The following BCKDHB variants were observed in gnomAD, a reference collection of about 807,000 sequenced individuals.
The protein encoded by BCKDHB is branched chain keto acid dehydrogenase E1 subunit beta, also known as 2-oxoisovalerate dehydrogenase subunit beta, mitochondrial.
BCKDHB carries 41 observed loss-of-function variants against 48.5 expected under a neutral mutation model. The observed-to-expected ratio is 0.85, with a 90% confidence interval of 0.66 to 1.10. The LOEUF (loss-of-function observed/expected upper bound fraction) is 1.10, where lower values mean the gene tolerates loss of function less well. Among genes scored for constraint, BCKDHB ranks in the 50% least tolerant of loss-of-function variants. The pLI, the probability that BCKDHB is intolerant of heterozygous loss-of-function variation, is 0.00. For synonymous variants in BCKDHB, 201 were observed against 174.8 expected, an observed-to-expected ratio of 1.15 and a Z score of -1.18; for missense variants, 496 against 494.2, an observed-to-expected ratio of 1.00 and a Z score of -0.03.
intron 8 of BCKDHB, among the ~76,000 whole-genome samples, chr6:80,219,003 A>G (rs552836304): frequency 4.1e-4 from 63 of 152,252 alleles, no homozygotes; most frequent in Non-Finnish European, 6.6e-4. Flanking sequence ...CATCTAGATC[A>G]AATGGTTTGC....
chr6:80,124,319 G>T (rs1770215480), intron 1 of BCKDHB, among the ~76,000 whole-genome samples: 2 of 152,108 alleles, frequency 1.3e-5, no homozygotes, highest in Non-Finnish European at 2.9e-5. Flanking sequence ...CCAGTTATGT[G>T]GTCAATTTTA....
At chr6:80,182,437 C>G (rs1773455588) in intron 6 of BCKDHB, among the ~76,000 whole-genome samples, 1 of 152,110 alleles carries the variant, frequency 6.6e-6, no homozygotes, top group African/African-American at 2.4e-5. Flanking sequence ...TGATCATTAG[C>G]TTTAAGGTAT....
At chr6:80,120,032 C>T (rs1769920592) in intron 1 of BCKDHB, among the ~76,000 whole-genome samples, 1 of 152,066 alleles carries the variant, frequency 6.6e-6, no homozygotes, top group African/African-American at 2.4e-5. Context: ...CCCCGACAGG[C>T]CCTGGTGTGT....
chr6:80,169,176 G>A, intron 5 of BCKDHB, 146 bp downstream of exon 5: 3 of 1,110,142 alleles, frequency 2.7e-6, no homozygotes, highest in East Asian at 2.5e-5. Flanking sequence ...AAGAAGGGGA[G>A]GTTAGCAGTT....
At chr6:80,411,294 G>A in the BCKDHB span, among the ~76,000 whole-genome samples, 60 of 152,306 alleles carry the variant, frequency 3.9e-4, no homozygotes, top group African/African-American at 1.4e-3. Context: ...AGCAAGTATT[G>A]CAGAAGAGAA....
chr6:80,195,913 A>T (rs1350224845), intron 6 of BCKDHB, among the ~76,000 whole-genome samples: 2 of 152,158 alleles, frequency 1.3e-5, no homozygotes, highest in Non-Finnish European at 2.9e-5. Context: ...TTAGGAATAT[A>T]CTTGACTTCA....
chr6:80,228,419 G>C (rs1386026848), intron 8 of BCKDHB, among the ~76,000 whole-genome samples: 1 of 152,216 alleles, frequency 6.6e-6, no homozygotes, highest in Non-Finnish European at 1.5e-5. Context: ...TGTAGTAACA[G>C]ATCTAATTTT....
the BCKDHB span, chr6:80,443,231 ACT>A: frequency 1.3e-5 from 2 of 151,594 alleles, no homozygotes; most frequent in Non-Finnish European, 2.9e-5. Flanking sequence ...AAAAACAGAT[ACT>A]CTCTTTCTAT....
At chr6:80,205,791 G>GGTGTGT (rs3840387) in intron 8 of BCKDHB, among the ~76,000 whole-genome samples, 3,171 of 135,132 alleles carry the variant, frequency 0.023, 77 homozygotes, top group East Asian at 0.069. Context: ...CTGTGCCATG[G>GGTGTGT]GTGTGTGTGT....
chr6:80,322,267 C>A (rs1403406032), intron 9 of BCKDHB, among the ~76,000 whole-genome samples: 1 of 121,314 alleles, frequency 8.2e-6, no homozygotes. Flanking sequence ...GTGACGGAGT[C>A]GCACTTTGTT....
At chr6:80,272,542 T>C (rs1299052562) in intron 8 of BCKDHB, among the ~76,000 whole-genome samples, 2 of 152,146 alleles carry the variant, frequency 1.3e-5, no homozygotes, top group Non-Finnish European at 2.9e-5. Context: ...TGAACAACTA[T>C]TGAGAATACG....
chr6:80,255,308 A>G (rs974232035), intron 8 of BCKDHB, among the ~76,000 whole-genome samples: 3 of 152,226 alleles, frequency 2.0e-5, no homozygotes, highest in African/African-American at 7.2e-5. Flanking sequence ...TTCAAAACCT[A>G]TTAGATGTAG....
intron 1 of BCKDHB, among the ~76,000 whole-genome samples, chr6:80,113,785 C>T (rs1228717021): frequency 6.6e-6 from 1 of 152,106 alleles, no homozygotes; most frequent in Admixed American, 6.6e-5. Context: ...GGGTGGGAGC[C>T]GGCTGGAGCA....
At chr6:80,416,782 T>A in the BCKDHB span, among the ~76,000 whole-genome samples, 285 of 151,316 alleles carry the variant, frequency 1.9e-3, 1 homozygote, top group East Asian at 0.011. Context: ...TTATTTTTTT[T>A]AATTTTATTA....
At chr6:80,338,104 C>T (rs1769690586) in intron 9 of BCKDHB, among the ~76,000 whole-genome samples, 1 of 152,126 alleles carries the variant, frequency 6.6e-6, no homozygotes, top group South Asian at 2.1e-4. Flanking sequence ...AGCCAACTTT[C>T]CGTCAGAAGA....
At chr6:80,272,985 A>G (rs1400169989) in intron 8 of BCKDHB, 150 bp from the exon 9 acceptor site, 1 of 689,740 alleles carries the variant, frequency 1.4e-6, no homozygotes, top group Non-Finnish European at 2.5e-6. Flanking sequence ...GTCGAAAGCG[A>G]GTTGTAACTT....
At chr6:80,285,171 C>A (rs964697036) in intron 9 of BCKDHB, among the ~76,000 whole-genome samples, 3 of 152,078 alleles carry the variant, frequency 2.0e-5, no homozygotes, top group Non-Finnish European at 2.9e-5. Flanking sequence ...AGAGTTCTAC[C>A]TAAGTGTACA....
chr6:80,411,428 C>G, the BCKDHB span, among the ~76,000 whole-genome samples: 1 of 152,234 alleles, frequency 6.6e-6, no homozygotes, highest in Non-Finnish European at 1.5e-5. Context: ...CAGGGACCCA[C>G]TTGAGGAGGC....
chr6:80,419,605 G>A, the BCKDHB span, among the ~76,000 whole-genome samples: 1 of 152,154 alleles, frequency 6.6e-6, no homozygotes, highest in Admixed American at 6.5e-5. Context: ...CAATTGGCTT[G>A]CTACCCCTGC....
Sources: gnomAD v4.1 joint callset for allele counts (sites outside exome capture counted in the v4.1 genomes callset) on GRCh38, gnomAD v4.1.1 for gene constraint, MANE v1.5 for transcripts, NCBI Gene and HGNC (gene_info 2026-07-23, HGNC 2026-07-21) for gene names.